Variants in PUS7L observed in about 807,000 individuals in gnomAD.
The protein encoded by PUS7L is pseudouridylate synthase PUS7L.
Under a neutral mutation model 51.1 loss-of-function variants are expected in PUS7L, and 49 were observed. The observed-to-expected ratio is 0.96, with a 90% confidence interval of 0.76 to 1.22. The LOEUF (loss-of-function observed/expected upper bound fraction) is 1.22. Among genes scored for constraint, PUS7L ranks in the 50% most tolerant of loss-of-function variants. The probability of loss-of-function intolerance (pLI) is 0.00; values close to 1 mark genes in which losing one functional copy is unlikely to be tolerated. For missense variants in PUS7L, 828 were observed against 820.6 expected (o/e 1.01, Z -0.11); for synonymous variants, 277 against 276.2 (o/e 1.00, Z -0.03).
Position 43,727,612 on chromosome 12 carries a change from C to T in PUS7L, c.*2764G>A, listed in dbSNP as rs896974755. 1 of 152,060 alleles carries T rather than the reference C, an allele frequency of 6.6e-6. No individual in the cohort carries two copies. Among genetic ancestry groups the T allele is most frequent in the Non-Finnish European group, 1.5e-5 (1 of 68,008 alleles). The allele number at this position is 152,060 out of a possible 1,614,324, so 9.4% of individuals were successfully genotyped here. A position where few individuals can be genotyped will look rare whatever the true frequency, so the allele number is the denominator to read the frequency against. On this transcript the variant is annotated 3_prime_UTR_variant, in exon 9 of 9. Coordinates refer to ENST00000344862, the MANE Select transcript of PUS7L (RefSeq NM_031292.5). The stretch of plus-strand genomic sequence containing the variant: ...AAACCAAATACCAAATGTTCTTACT[C>T]ATAAGTGGGAGCTGAACTTTGAGTA...
intron 1 of PUS7L, 40 bp downstream of exon 1, chr12:43,758,688 CAT>C (rs1354182026): frequency 2.5e-6 from 2 of 789,816 alleles, no homozygotes; most frequent in South Asian, 5.9e-5. Context: ...CACACACACA[CAT>C]ACAAGCCCAC....
At chr12:43,752,666 G>A (rs1019372786) in intron 2 of PUS7L, among the ~76,000 whole-genome samples, 2 of 152,118 alleles carry the variant, frequency 1.3e-5, no homozygotes, top group African/African-American at 2.4e-5. Flanking sequence ...ACTTATATGA[G>A]ACACCTAGAG....
chr12:43,755,213 A>C lies in PUS7L; in HGVS notation c.33T>G (p.Phe11Leu), dbSNP rs1938645032. ...GATCATTAAAGAAACACAAAGAACT[A>C]AACCTGATTCTATAATCTGTATCTT... MEEDTDYRIRFSSLCFFNDHV... is the reference protein window; with the variant it reads MEEDTDYRIRLSSLCFFNDHV... Residue 11 changes from phenylalanine (F) to leucine (L), a missense_variant, in exon 2 of 9, where the codon TTT (phenylalanine) becomes TTG (leucine). Physicochemically the swap from Phe to Leu is conservative, Grantham distance 22. Coordinates refer to ENST00000344862, the MANE Select transcript of PUS7L (RefSeq NM_031292.5). The C allele has an allele frequency of 6.2e-7, 1 of 1,606,596 alleles. No homozygotes were observed. Among genetic ancestry groups the C allele is most frequent in the African/African-American group, 1.3e-5 (1 of 74,408 alleles).
rs1944364799 is a variant in PUS7L, at chr12:43,719,037, T to G, written c.*11339A>C. On this transcript the variant is annotated 3_prime_UTR_variant, in exon 9 of 9. Transcript: ENST00000344862. Reference sequence around the variant, plus strand: ...CTTGCATTCTAAAAAATTTGATACATAACAATATAAAAGTCCTTAAAATTT... The same window carrying G: ...CTTGCATTCTAAAAAATTTGATACAGAACAATATAAAAGTCCTTAAAATTT... 6.6e-6 allele frequency: 1 copy of G among 151,486 alleles called. No homozygotes were observed. The highest frequency in any genetic ancestry group is 6.6e-5 in the Admixed American group (1 of 15,194). The allele number at this position is 151,486 out of a possible 1,614,324, so 9.4% of individuals were successfully genotyped here.
In PUS7L at chr12:43,742,543, CA is replaced by C; in HGVS notation, c.1275del (p.Phe425LeufsTer2). ...AATCTCTGTGGTCCATAGTAATTCA[CA>C]AAGCCTTTTTTCTATGTATACAAAA... ...EAIENVKKKGFVNYYGPQRFG... is the reference protein window; with the variant it reads ...EAIENVKKKGXVNYYGPQRFG... On this transcript the variant is annotated frameshift_variant, in exon 5 of 9. Transcript: ENST00000344862. LOFTEE classifies it high-confidence loss of function. 1.9e-6 allele frequency: 3 copies of C among 1,602,850 alleles called. No individual in the cohort carries two copies. Among genetic ancestry groups the C allele is most frequent in the Non-Finnish European group, 1.7e-6 (2 of 1,176,466 alleles).
rs930722282 is a variant in PUS7L, at chr12:43,724,407, G to T, written c.*5969C>A. The T allele has an allele frequency of 2.6e-5, 4 of 151,954 alleles. No homozygotes were observed. The highest frequency in any genetic ancestry group is 9.7e-5 in the African/African-American group (4 of 41,410). 9.4% of individuals were successfully genotyped at this position (151,954 alleles called of 1,614,324 possible). A position where few individuals can be genotyped will look rare whatever the true frequency, so the allele number is the denominator to read the frequency against. On this transcript the variant is annotated 3_prime_UTR_variant, in exon 9 of 9. Coordinates refer to ENST00000344862, the MANE Select transcript of PUS7L (RefSeq NM_031292.5). ...ATTTTATTATAAAAATTTTATCAGG[G>T]AGCATAGTAAAGTAATACTAACTGT...
rs757896106 is a variant in PUS7L at position 43,755,089 on chromosome 12, G to A, written c.157C>T (p.Pro53Ser). ...GQLVNKTIDE[P>S]IFKISEIQLE... ...TGTATTTCACTAATCTTGAAAATAG[G>A]CTCATCGATGGTCTTATTAACTAAC... Residue 53 changes from proline (P) to serine (S), a missense_variant, in exon 2 of 9, where the codon CCT becomes TCT. Transcript: ENST00000344862. 3.7e-5 allele frequency: 60 copies of A among 1,613,448 alleles called. No homozygotes were observed. The highest frequency in any genetic ancestry group is 4.7e-5 in the Non-Finnish European group (56 of 1,179,740).
chr12:43,721,849 G>A lies in PUS7L; in HGVS notation c.*8527C>T, dbSNP rs1397162062. On this transcript the variant is annotated 3_prime_UTR_variant, in exon 9 of 9. Transcript: ENST00000344862. ...CAAAATCCAAAACTTTTTGAGTACT[G>A]ACATGATGCCACAAATGGAAAATTC... 1 of 151,572 alleles carries A rather than the reference G, an allele frequency of 6.6e-6. No individual in the cohort carries two copies. The highest frequency in any genetic ancestry group is 2.4e-5 in the African/African-American group (1 of 41,294). 9.4% of individuals were successfully genotyped at this position (151,572 alleles called of 1,614,324 possible).
intron 7 of PUS7L, among the ~76,000 whole-genome samples, chr12:43,732,490 C>T (rs1353886716): frequency 6.6e-6 from 1 of 151,846 alleles, no homozygotes; most frequent in Admixed American, 6.6e-5. Context: ...GGTGGTATTT[C>T]TCAGCATTTG....
intron 1 of PUS7L, among the ~76,000 whole-genome samples, chr12:43,757,209 C>T (rs1565649521): frequency 6.6e-6 from 1 of 152,114 alleles, no homozygotes; most frequent in Non-Finnish European, 1.5e-5. Flanking sequence ...CTCACTCTGT[C>T]GTCCAGGCTG....
At chr12:43,738,170 TAA>T (rs141377007) in intron 6 of PUS7L, 138 bp downstream of exon 6, 14,670 of 593,222 alleles carry the variant, frequency 0.025, 273 homozygotes, top group Non-Finnish European at 0.033. Context: ...AGTCATGTAA[TAA>T]AAGTGTTCAG....
At chr12:43,741,589 C>T in intron 5 of PUS7L, among the ~76,000 whole-genome samples, 1 of 152,178 alleles carries the variant, frequency 6.6e-6, no homozygotes, top group East Asian at 1.9e-4. Flanking sequence ...TCAGAGTTTT[C>T]TAGACTGAAG....
In PUS7L at chr12:43,754,969, TAATC is replaced by T; in HGVS notation, c.273_276del (p.Ile92SerfsTer33). ...TGATTTTGGTCACCATCAGTGTACT[TAATC>T]AAAGTATGAACTTCTTGGTTTCTTC... On this transcript the variant is annotated frameshift_variant, in exon 2 of 9. Coordinates refer to ENST00000344862, the MANE Select transcript of PUS7L (RefSeq NM_031292.5). LOFTEE classifies it high-confidence loss of function. 1 of 1,613,774 alleles carries T rather than the reference TAATC, an allele frequency of 6.2e-7. No individual in the cohort carries two copies. The highest frequency in any genetic ancestry group is 8.5e-7 in the Non-Finnish European group (1 of 1,179,808).
intron 4 of PUS7L, among the ~76,000 whole-genome samples, chr12:43,745,112 A>C (rs1422441310): frequency 7.1e-6 from 1 of 140,306 alleles, no homozygotes; most frequent in Non-Finnish European, 1.5e-5. Context: ...TGCAAGAGGA[A>C]CCATATGTCT....
intron 3 of PUS7L, among the ~76,000 whole-genome samples, chr12:43,748,112 A>G (rs753745992): frequency 3.9e-5 from 6 of 152,196 alleles, no homozygotes; most frequent in Non-Finnish European, 8.8e-5. Flanking sequence ...TCTGAGTAGT[A>G]GGCTTACCGG....
rs1428515646 is a variant in PUS7L at position 43,721,622 on chromosome 12, A to G, written c.*8754T>C. 5 of 152,208 alleles carry G rather than the reference A, an allele frequency of 3.3e-5. No individual in the cohort carries two copies. The highest frequency in any genetic ancestry group is 7.4e-5 in the Non-Finnish European group (5 of 68,016). The allele number at this position is 152,208 out of a possible 1,614,324, so 9.4% of individuals were successfully genotyped here. ...GAATAATTCACAGTAGATGATCCAG[A>G]TATTTAATCAAATAAGTACAATACA... is the stretch of plus-strand genomic sequence containing the variant. On this transcript the variant is annotated 3_prime_UTR_variant, in exon 9 of 9. Transcript: ENST00000344862.
intron 2 of PUS7L, among the ~76,000 whole-genome samples, chr12:43,752,767 T>C (rs1467406335): frequency 6.6e-6 from 1 of 152,194 alleles, no homozygotes; most frequent in East Asian, 1.9e-4. Flanking sequence ...ATATGGAGTT[T>C]TAGTTTGGGA....
At chr12:43,742,122 T>C (rs528722528) in intron 5 of PUS7L, among the ~76,000 whole-genome samples, 249 of 152,338 alleles carry the variant, frequency 1.6e-3, no homozygotes, top group Admixed American at 3.3e-3. Flanking sequence ...TGTGGATTCC[T>C]ATCTTTTATA....
chr12:43,729,533 A>T lies in PUS7L; in HGVS notation c.*843T>A, dbSNP rs74085314. The T allele has an allele frequency of 0.069, 16,768 of 242,276 alleles. 636 individuals are homozygous for T. The highest frequency in any genetic ancestry group is 0.14 in the Middle Eastern group (112 of 824). 15.0% of individuals were successfully genotyped at this position (242,276 alleles called of 1,614,324 possible). A position where few individuals can be genotyped will look rare whatever the true frequency, so the allele number is the denominator to read the frequency against. On this transcript the variant is annotated 3_prime_UTR_variant, in exon 9 of 9. Transcript: ENST00000344862. The stretch of plus-strand genomic sequence containing the variant: ...AAACCAACAAAAATTAAAATTTTCA[A>T]ATGGGCACAATGTTTTGTTCCTCCA...
Sources: allele counts gnomAD v4.1 joint callset (sites outside exome capture counted in the v4.1 genomes callset), GRCh38; gene constraint gnomAD v4.1.1; transcripts MANE v1.5; gene names NCBI Gene and HGNC (gene_info 2026-07-23, HGNC 2026-07-21).